CNTLN: variants seen among roughly 807,000 people sequenced by gnomAD.
CNTLN encodes the protein centlein, centrosomal protein.
Under a neutral mutation model 180.0 loss-of-function variants are expected in CNTLN, and 212 were observed. That is an observed-to-expected ratio of 1.18 (90% CI 1.05 to 1.32). The LOEUF (loss-of-function observed/expected upper bound fraction) is 1.32, where lower values mean the gene tolerates loss of function less well. Ranked by LOEUF, CNTLN falls within the 40% of genes most tolerant of loss-of-function variation. The pLI, the probability that CNTLN is intolerant of heterozygous loss-of-function variation, is 0.00. For synonymous variants in CNTLN, 722 were observed against 563.1 expected, an observed-to-expected ratio of 1.28 and a Z score of -3.99; for missense variants, 2,095 against 1,610.9, an observed-to-expected ratio of 1.30 and a Z score of -5.14.
At chr9:17,333,009 A>C (rs1674613955) in intron 10 of CNTLN, among the ~76,000 whole-genome samples, 1 of 152,120 alleles carries the variant, frequency 6.6e-6, no homozygotes, top group Non-Finnish European at 1.5e-5. Context: ...ACCCTTTCCC[A>C]AAGGCAAAAA....
chr9:17,526,917 G>A, the CNTLN span, among the ~76,000 whole-genome samples: 2 of 151,680 alleles, frequency 1.3e-5, no homozygotes, highest in African/African-American at 4.8e-5. Flanking sequence ...TCTCGCTGTC[G>A]CCCAGGCTGG....
At chr9:17,256,584 CTTAG>C (rs1438776747) in intron 5 of CNTLN, among the ~76,000 whole-genome samples, 1 of 149,576 alleles carries the variant, frequency 6.7e-6, no homozygotes, top group Non-Finnish European at 1.5e-5. Context: ...GTGTAAAGCT[CTTAG>C]TTGTCTTTTA....
intron 2 of CNTLN, among the ~76,000 whole-genome samples, chr9:17,195,040 A>T (rs958340707): frequency 6.6e-6 from 1 of 152,190 alleles, no homozygotes; most frequent in Admixed American, 6.5e-5. Flanking sequence ...TGTCCCTCCC[A>T]TAACGTGGGA....
chr9:17,246,987 G>A (rs1313233197), intron 5 of CNTLN, among the ~76,000 whole-genome samples: 1 of 152,040 alleles, frequency 6.6e-6, no homozygotes, highest in Non-Finnish European at 1.5e-5. Flanking sequence ...ATTGTAATTT[G>A]GCTCAGCTGG....
intron 2 of CNTLN, among the ~76,000 whole-genome samples, chr9:17,196,851 G>A (rs569993116): frequency 7.4e-4 from 113 of 152,112 alleles, no homozygotes; most frequent in African/African-American, 2.6e-3. Context: ...TATACTTTGT[G>A]TTACAAACAA....
intron 7 of CNTLN, among the ~76,000 whole-genome samples, chr9:17,303,219 T>G (rs1818489881): frequency 6.6e-6 from 1 of 152,156 alleles, no homozygotes; most frequent in African/African-American, 2.4e-5. Flanking sequence ...TATAGTTCAG[T>G]TTTAAATGGA....
intron 25 of CNTLN, 73 bp from the exon 26 acceptor site, chr9:17,502,478 A>T: frequency 1.5e-6 from 1 of 689,524 alleles, no homozygotes; most frequent in Non-Finnish European, 2.3e-6. Flanking sequence ...CTAATGGTTT[A>T]ATAATATTTA....
At chr9:17,341,005 A>G (rs370392443) in intron 11 of CNTLN, 57 bp downstream of exon 11, 7 of 1,466,242 alleles carry the variant, frequency 4.8e-6, no homozygotes, top group Non-Finnish European at 6.4e-6. Context: ...ATGGAGTAGC[A>G]TTATATAGGT....
chr9:17,480,037 G>A (rs573638247), intron 23 of CNTLN, among the ~76,000 whole-genome samples: 2 of 151,988 alleles, frequency 1.3e-5, no homozygotes, highest in Non-Finnish European at 2.9e-5. Flanking sequence ...TTATTTCACA[G>A]AAATTGACCG....
intron 5 of CNTLN, among the ~76,000 whole-genome samples, chr9:17,249,343 T>TCG (rs1825990466): frequency 8.6e-6 from 1 of 115,790 alleles, no homozygotes; most frequent in Non-Finnish European, 1.7e-5. Context: ...GGTTCTTTGA[T>TCG]TGTTTTTTTT....
rs1823843322 is a variant in CNTLN, at chr9:17,366,620, G to A, written c.1890G>A (p.Met630Ile). 5.5e-6 allele frequency: 8 copies of A among 1,462,616 alleles called. No individual in the cohort carries two copies. The highest frequency in any genetic ancestry group is 5.7e-6 in the Non-Finnish European group (6 of 1,054,172). 90.6% of individuals were successfully genotyped at this position (1,462,616 alleles called of 1,614,324 possible). The change falls in exon 13 of 26, where the codon ATG becomes ATA. Residue 630 changes from methionine (M) to isoleucine (I), a missense_variant. Physicochemically the swap from Met to Ile is conservative, Grantham distance 10 (BLOSUM62 1). Coordinates refer to ENST00000380647, the MANE Select transcript of CNTLN (RefSeq NM_017738.4). The stretch of plus-strand genomic sequence containing the variant: ...AATGTTTATTGCTTTTTCATAGGAT[G>A]AATCTTGAAGAAGAATTAGATGAAC... ...RENQELMIQKMNLEEELDELK... is the reference protein window; with the variant it reads ...RENQELMIQKINLEEELDELK...
chr9:17,253,234 A>T (rs1332937720), intron 5 of CNTLN, among the ~76,000 whole-genome samples: 2 of 151,512 alleles, frequency 1.3e-5, no homozygotes, highest in East Asian at 1.9e-4. Flanking sequence ...TTTGCTCAGG[A>T]TTGCTTTGGG....
intron 13 of CNTLN, among the ~76,000 whole-genome samples, chr9:17,373,259 G>C (rs889654631): frequency 3.3e-5 from 5 of 152,020 alleles, no homozygotes; most frequent in African/African-American, 1.2e-4. Context: ...TATTAGAAAG[G>C]ATAAACAAAT....
At chr9:17,463,727 T>C (rs971435302) in intron 20 of CNTLN, among the ~76,000 whole-genome samples, 1 of 151,614 alleles carries the variant, frequency 6.6e-6, no homozygotes, top group Non-Finnish European at 1.5e-5. Context: ...CAATTAAGAG[T>C]AAGTCTTGCT....
At chr9:17,221,974 C>G (rs570371580) in intron 2 of CNTLN, among the ~76,000 whole-genome samples, 1 of 152,072 alleles carries the variant, frequency 6.6e-6, no homozygotes. Context: ...TAAGGCCGAA[C>G]AAACTATATG....
At chr9:17,276,819 A>G (rs890564893) in intron 6 of CNTLN, among the ~76,000 whole-genome samples, 1 of 152,084 alleles carries the variant, frequency 6.6e-6, no homozygotes, top group Non-Finnish European at 1.5e-5. Context: ...TGCTATATAA[A>G]TAGTTGTTAT....
intron 7 of CNTLN, among the ~76,000 whole-genome samples, chr9:17,308,617 A>AT (rs1417138197): frequency 1.3e-5 from 2 of 151,494 alleles, no homozygotes; most frequent in Non-Finnish European, 2.9e-5. Flanking sequence ...GTTGTACATA[A>AT]TTTTTTTTCA....
intron 8 of CNTLN, among the ~76,000 whole-genome samples, chr9:17,319,977 G>C (rs1332860970): frequency 1.3e-5 from 2 of 152,200 alleles, no homozygotes. Context: ...AATTCTGAAT[G>C]ACTGCCTATT....
chr9:17,353,815 C>A (rs1009028950), intron 12 of CNTLN, among the ~76,000 whole-genome samples: 1 of 152,186 alleles, frequency 6.6e-6, no homozygotes, highest in Non-Finnish European at 1.5e-5. Flanking sequence ...ACCTCCTCTA[C>A]CTGGGCTCCC....
Sources: gnomAD v4.1 joint callset for allele counts (sites outside exome capture counted in the v4.1 genomes callset) on GRCh38, gnomAD v4.1.1 for gene constraint, MANE v1.5 for transcripts, NCBI Gene and HGNC (gene_info 2026-07-23, HGNC 2026-07-21) for gene names.